ATP6V1B1: variants seen among roughly 807,000 people sequenced by gnomAD.
ATP6V1B1 encodes the protein ATPase H+ transporting V1 subunit B1.
A neutral mutation model predicts 62.1 loss-of-function variants in ATP6V1B1; 41 were observed. The ratio of observed to expected loss-of-function variants is 0.66; its 90% CI spans 0.51 to 0.86. The LOEUF (loss-of-function observed/expected upper bound fraction) is 0.86, where lower values mean the gene tolerates loss of function less well. Among genes scored for constraint, ATP6V1B1 ranks in the 40% least tolerant of loss-of-function variants. The probability of loss-of-function intolerance (pLI) is 0.00; values close to 1 mark genes in which losing one functional copy is unlikely to be tolerated. For synonymous variants in ATP6V1B1, 253 were observed against 273.4 expected, an observed-to-expected ratio of 0.93 and a Z score of 0.74; for missense variants, 651 against 697.5, an observed-to-expected ratio of 0.93 and a Z score of 0.75.
At chr2:70,943,494 C>A (rs757679775) in intron 1 of ATP6V1B1, 164 bp from the exon 2 acceptor site, 100 of 778,610 alleles carry the variant, frequency 1.3e-4, no homozygotes, top group Non-Finnish European at 2.1e-4. Context: ...GGGGCATGAC[C>A]CTTACAGCAA....
At position 70,963,739 on chromosome 2, in the gene ATP6V1B1, T is replaced by C. The variant is rs1572923514; in HGVS notation, c.1143+85T>C. ...TGTTTCACTGCCCCCAGGCATGAAT[T>C]AGGAGGGGCCAGCCAAAGCGAACCC... On this transcript the variant is annotated intron_variant, in intron 11 of 13. Coordinates refer to ENST00000234396, the MANE Select transcript of ATP6V1B1 (RefSeq NM_001692.4). The surrounding 1 kb of genome is among the most constrained non-coding windows in gnomAD (Gnocchi z 4.3). The C allele has an allele frequency of 2.0e-6, 3 of 1,488,434 alleles. No individual in the cohort carries two copies. The highest frequency in any genetic ancestry group is 2.8e-6 in the Non-Finnish European group (3 of 1,073,324). 92.2% of individuals were successfully genotyped at this position (1,488,434 alleles called of 1,614,324 possible).
At chr2:70,956,422 T>C (rs1680433356) in intron 2 of ATP6V1B1, among the ~76,000 whole-genome samples, 1 of 152,230 alleles carries the variant, frequency 6.6e-6, no homozygotes, top group South Asian at 2.1e-4. Context: ...TGATATTCTA[T>C]TGTATGAATA....
At chr2:70,951,975 C>T (rs1268781554) in intron 2 of ATP6V1B1, among the ~76,000 whole-genome samples, 8 of 151,932 alleles carry the variant, frequency 5.3e-5, no homozygotes, top group African/African-American at 1.9e-4. Context: ...TCTGGTCTTA[C>T]TGTATAAACA....
At chr2:70,962,536 C>A (rs546519972) in intron 8 of ATP6V1B1, among the ~76,000 whole-genome samples, 115 of 152,334 alleles carry the variant, frequency 7.5e-4, no homozygotes, top group African/African-American at 2.5e-3. Flanking sequence ...CAACTTGCCT[C>A]CTGGCCTCAG....
chr2:70,961,062 G>A (rs1553420011), intron 7 of ATP6V1B1, 40 bp downstream of exon 7: 2 of 1,541,638 alleles, frequency 1.3e-6, no homozygotes. Flanking sequence ...TGGAGGCTGT[G>A]AGCAGGCAGC....
chr2:70,943,415 G>T lies in ATP6V1B1; in HGVS notation c.119-243G>T, dbSNP rs1301526609. On this transcript the variant is annotated intron_variant, in intron 1 of 13. Coordinates refer to ENST00000234396, the MANE Select transcript of ATP6V1B1 (RefSeq NM_001692.4). Reference sequence around the variant, plus strand: ...TGTGGTGGGGGCGGACTCTGAGGAGGCCTCTGCCCTCTGCCTGGCCCTCCC... The same window carrying T: ...TGTGGTGGGGGCGGACTCTGAGGAGTCCTCTGCCCTCTGCCTGGCCCTCCC... 4 of 647,794 alleles carry T rather than the reference G, an allele frequency of 6.2e-6. No homozygotes were observed. The East Asian group carries it at 1.1e-4, about 18-fold the overall frequency. 40.1% of individuals were successfully genotyped at this position (647,794 alleles called of 1,614,324 possible). A position where few individuals can be genotyped will look rare whatever the true frequency, so the allele number is the denominator to read the frequency against.
chr2:70,963,308 C>A lies in ATP6V1B1; in HGVS notation c.1056C>A (p.Asn352Lys), dbSNP rs558227714. The change falls in exon 10 of 14, where the codon AAC becomes AAA. Residue 352 changes from asparagine (N) to lysine (K), a missense_variant. Physicochemically the swap from Asn to Lys is moderately conservative, Grantham distance 94 (BLOSUM62 0). Coordinates refer to ENST00000234396, the MANE Select transcript of ATP6V1B1 (RefSeq NM_001692.4). The surrounding 1 kb of genome is among the most constrained non-coding windows in gnomAD (Gnocchi z 4.3). Reference protein sequence around the residue: ...ITQIPILTMPNDDITHPIPDL... With the variant: ...ITQIPILTMPKDDITHPIPDL... Reference sequence around the variant, plus strand: ...AGATCCCCATCCTCACCATGCCCAACGACGGTAGCCTCCTCACAGCCCACT... The same window carrying A: ...AGATCCCCATCCTCACCATGCCCAAAGACGGTAGCCTCCTCACAGCCCACT... 2.9e-5 allele frequency: 47 copies of A among 1,612,970 alleles called. No individual in the cohort carries two copies. In the South Asian group the frequency reaches 4.6e-4, roughly 16 times the overall value.
chr2:70,945,703 TA>T (rs1558670938), intron 2 of ATP6V1B1, among the ~76,000 whole-genome samples: 6 of 55,556 alleles, frequency 1.1e-4, no homozygotes, highest in African/African-American at 7.3e-4. Flanking sequence ...TTTGAAGAGA[TA>T]TATATATATA....
intron 2 of ATP6V1B1, among the ~76,000 whole-genome samples, chr2:70,951,992 T>C (rs1246038452): frequency 1.3e-5 from 2 of 152,210 alleles, no homozygotes; most frequent in Admixed American, 6.5e-5. Context: ...AACAAAAACT[T>C]CCAAAACAAT....
intron 2 of ATP6V1B1, among the ~76,000 whole-genome samples, chr2:70,951,906 A>G (rs1047989191): frequency 2.0e-5 from 3 of 152,298 alleles, no homozygotes; most frequent in Non-Finnish European, 4.4e-5. Context: ...TTAAAAAAAA[A>G]AGATAAATAA....
At chr2:70,964,631 T>G in intron 12 of ATP6V1B1, 89 bp downstream of exon 12, 1 of 1,612,124 alleles carries the variant, frequency 6.2e-7, no homozygotes, top group Non-Finnish European at 8.5e-7. Context: ...GCTTTTCTCC[T>G]GGCAAAATTC....
At chr2:70,942,108 C>T in intron 1 of ATP6V1B1, 1 of 994,924 alleles carries the variant, frequency 1.0e-6, no homozygotes, top group Non-Finnish European at 1.3e-6. Flanking sequence ...CAAGGAGGCT[C>T]TGGTCCTTCA....
Position 70,960,048 on chromosome 2 carries a change from C to T in ATP6V1B1, c.555C>T (p.Ile185=), listed in dbSNP as rs1680548849. The T allele has an allele frequency of 6.2e-7, 1 of 1,614,236 alleles. No individual in the cohort carries two copies. The highest frequency in any genetic ancestry group is 8.5e-7 in the Non-Finnish European group (1 of 1,180,046). The change falls in exon 6 of 14, where the codon ATC becomes ATT. Residue 185 remains isoleucine, a synonymous_variant. Coordinates refer to ENST00000234396, the MANE Select transcript of ATP6V1B1 (RefSeq NM_001692.4). ...TTGCCCGCGGCCAGAAGATCCCCATCTTCTCAGCAGCCGGGCTCCCCCACA... is the reference window on the plus strand; with the variant it reads ...TTGCCCGCGGCCAGAAGATCCCCATTTTCTCAGCAGCCGGGCTCCCCCACA... ...NSIARGQKIP[I]FSAAGLPHNE...
At chr2:70,937,226 G>C (rs1251416449) in intron 1 of ATP6V1B1, among the ~76,000 whole-genome samples, 1 of 152,174 alleles carries the variant, frequency 6.6e-6, no homozygotes, top group Non-Finnish European at 1.5e-5. Context: ...GCCTGATGCA[G>C]CCACCCCACC....
In ATP6V1B1 at chr2:70,958,155, T is replaced by C. The variant is rs1378890524; in HGVS notation, c.273+11T>C. On this transcript the variant is annotated intron_variant, in intron 3 of 13. Coordinates refer to ENST00000234396, the MANE Select transcript of ATP6V1B1 (RefSeq NM_001692.4). ...AAGGCGATTGTTCAGGTGAGTGGGG[T>C]CAATGGGACATTGGCTAGTTAAATC... The C allele has an allele frequency of 1.2e-6, 2 of 1,612,788 alleles. No individual in the cohort carries two copies. The highest frequency in any genetic ancestry group is 2.7e-5 in the African/African-American group (2 of 74,838).
intron 2 of ATP6V1B1, among the ~76,000 whole-genome samples, chr2:70,944,672 T>C (rs1368594114): frequency 6.8e-6 from 1 of 147,882 alleles, no homozygotes; most frequent in African/African-American, 2.5e-5. Context: ...TCTTTTCTTT[T>C]TTTTTTTTTT....
chr2:70,955,057 G>A (rs1221869554), intron 2 of ATP6V1B1, among the ~76,000 whole-genome samples: 9 of 152,184 alleles, frequency 5.9e-5, no homozygotes, highest in African/African-American at 1.7e-4. Context: ...CTCCCAGAGC[G>A]TGCACAGACA....
intron 1 of ATP6V1B1, among the ~76,000 whole-genome samples, chr2:70,936,456 C>T (rs890135606): frequency 3.9e-5 from 6 of 151,916 alleles, no homozygotes; most frequent in Non-Finnish European, 2.9e-5. Flanking sequence ...CAGAGTCAGG[C>T]GGGGTGTGAT....
chr2:70,959,134 C>A lies in ATP6V1B1; in HGVS notation c.445+39C>A. ...GGTTCTGGATGGCTTCGGGACCCAG[C>A]CCTAACACCTTCCCCACTCTTGGAA... On this transcript the variant is annotated intron_variant, in intron 5 of 13. Coordinates refer to ENST00000234396, the MANE Select transcript of ATP6V1B1 (RefSeq NM_001692.4). This position sits in a 1 kb window ranked among gnomAD's most constrained non-coding sequence, Gnocchi z 4.2. 1 of 1,596,314 alleles carries A rather than the reference C, an allele frequency of 6.3e-7. No individual in the cohort carries two copies. The highest frequency in any genetic ancestry group is 8.6e-7 in the Non-Finnish European group (1 of 1,164,172).
Sources: gnomAD v4.1 joint callset for allele counts (sites outside exome capture counted in the v4.1 genomes callset) on GRCh38, gnomAD v4.1.1 for gene constraint, Gnocchi (gnomAD v3.1) non-coding constraint, MANE v1.5 for transcripts, NCBI Gene and HGNC (gene_info 2026-07-23, HGNC 2026-07-21) for gene names.